Variants in NOL4 observed in about 807,000 individuals in gnomAD.
NOL4 encodes cancer/testis antigen 125.
Under a neutral mutation model 75.9 loss-of-function variants are expected in NOL4, and 17 were observed. That is an observed-to-expected ratio of 0.22 (90% CI 0.15 to 0.34). NOL4 has a LOEUF of 0.34. NOL4 is among the 10% of genes least tolerant of loss of function. The pLI, the probability that NOL4 is intolerant of heterozygous loss-of-function variation, is 1.00. For missense variants in NOL4, 614 were observed against 793.5 expected (o/e 0.77, Z 2.72); for synonymous variants, 292 against 289.9 (o/e 1.01, Z -0.07).
In NOL4 at chr18:34,067,499, A is replaced by T. The variant is rs182513883; in HGVS notation, c.772+25966T>A. Among the ~76,000 whole-genome samples, 321 of 152,320 alleles carry T rather than the reference A, an allele frequency of 2.1e-3. 5 individuals carry two copies. The highest frequency in any genetic ancestry group is 7.2e-3 in the African/African-American group (299 of 41,580). ...ATACAAGAGTAGAAGCAAGGAGATC[A>T]GGTATGAGGCTACTTTAATAAACCA... is the stretch of plus-strand genomic sequence containing the variant. On this transcript the variant is annotated intron_variant, in intron 5 of 10. Coordinates refer to ENST00000261592, the MANE Select transcript of NOL4 (RefSeq NM_003787.5).
chr18:33,860,373 G>T (rs2063053179), intron 10 of NOL4, among the ~76,000 whole-genome samples: 1 of 152,006 alleles, frequency 6.6e-6, no homozygotes, highest in Admixed American at 6.6e-5. Flanking sequence ...ACTCATTCCA[G>T]CATTAACCCA....
At chr18:34,112,228 G>T (rs921810786) in intron 2 of NOL4, among the ~76,000 whole-genome samples, 7 of 152,000 alleles carry the variant, frequency 4.6e-5, no homozygotes, top group African/African-American at 1.7e-4. Context: ...AATTGGCCAG[G>T]TGTGATGGCA....
rs531705944 is a variant in NOL4, at chr18:34,058,793, T to C, written c.772+34672A>G. ...ACATATTGCAATAATGAATGAATTA[T>C]TAAATGGATCTACCATGTTAGGAAA... On this transcript the variant is annotated intron_variant, in intron 5 of 10. Transcript: ENST00000261592. Among the ~76,000 whole-genome samples, 385 of 152,262 alleles carry C rather than the reference T, an allele frequency of 2.5e-3. 1 individual carries two copies. Among genetic ancestry groups the C allele is most frequent in the African/African-American group, 8.4e-3 (350 of 41,560 alleles).
rs184941071 is a variant in NOL4 at position 34,019,970 on chromosome 18, C to T, written c.773-369G>A. ...AGGAGAGCTAGTTGTTTAAAAAGAG[C>T]CTGGCACCTCTTCTCTCTCTCTCTT... On this transcript the variant is annotated intron_variant, in intron 5 of 10. Coordinates refer to ENST00000261592, the MANE Select transcript of NOL4 (RefSeq NM_003787.5). Among the ~76,000 whole-genome samples, 715 of 151,666 alleles carry T rather than the reference C, an allele frequency of 4.7e-3. 8 individuals carry two copies. The highest frequency in any genetic ancestry group is 6.4e-3 in the Non-Finnish European group (432 of 67,910).
chr18:34,131,073 G>GACAC (rs35968611), intron 1 of NOL4, among the ~76,000 whole-genome samples: 9,123 of 145,362 alleles, frequency 0.063, 491 homozygotes, highest in African/African-American at 0.15. Context: ...CACATACACC[G>GACAC]ACACACACAC....
chr18:34,028,602 G>A (rs1296351319), intron 5 of NOL4, among the ~76,000 whole-genome samples: 2 of 152,166 alleles, frequency 1.3e-5, no homozygotes, highest in African/African-American at 4.8e-5. Flanking sequence ...AATGAATTAG[G>A]CCAAAGGATT....
At chr18:33,918,743 A>G (rs2066870815) in intron 9 of NOL4, among the ~76,000 whole-genome samples, 1 of 152,194 alleles carries the variant, frequency 6.6e-6, no homozygotes, top group Non-Finnish European at 1.5e-5. Context: ...GACACTTGCC[A>G]AAAACTAGGT....
intron 1 of NOL4, among the ~76,000 whole-genome samples, chr18:34,142,354 T>C (rs958207817): frequency 2.0e-5 from 3 of 152,184 alleles, no homozygotes; most frequent in African/African-American, 7.2e-5. Context: ...GGATTATAAA[T>C]CATGCTGCTA....
At chr18:33,896,125 C>G (rs2065390589) in intron 9 of NOL4, among the ~76,000 whole-genome samples, 1 of 151,964 alleles carries the variant, frequency 6.6e-6, no homozygotes, top group Non-Finnish European at 1.5e-5. Context: ...ATGAGAATTA[C>G]AAAACACTTC....
At chr18:34,165,006 C>A (rs941021876) in intron 1 of NOL4, among the ~76,000 whole-genome samples, 3 of 150,758 alleles carry the variant, frequency 2.0e-5, no homozygotes, top group African/African-American at 7.3e-5. Context: ...AAACCAAACA[C>A]CGCATATTCT....
intron 1 of NOL4, among the ~76,000 whole-genome samples, chr18:34,209,911 A>G (rs970810862): frequency 1.3e-5 from 2 of 152,266 alleles, no homozygotes; most frequent in East Asian, 3.9e-4. Context: ...CCTTCAGGAA[A>G]CACTAAGTTC....
At chr18:33,985,442 G>A (rs772434803) in intron 6 of NOL4, among the ~76,000 whole-genome samples, 28 of 152,008 alleles carry the variant, frequency 1.8e-4, no homozygotes, top group Non-Finnish European at 3.5e-4. Context: ...CATTTTGTTT[G>A]TGTTTTTCAA....
intron 5 of NOL4, among the ~76,000 whole-genome samples, chr18:34,036,627 T>C (rs538970974): frequency 6.6e-6 from 1 of 152,078 alleles, no homozygotes; most frequent in Non-Finnish European, 1.5e-5. Flanking sequence ...GCAATAGCAA[T>C]AAATAAATGG....
intron 6 of NOL4, among the ~76,000 whole-genome samples, chr18:34,015,269 T>C (rs1435794119): frequency 1.3e-5 from 2 of 152,030 alleles, no homozygotes; most frequent in Non-Finnish European, 2.9e-5. Context: ...AAAATGATTC[T>C]GCTTTCCTAT....
intron 9 of NOL4, among the ~76,000 whole-genome samples, chr18:33,892,651 T>TTCC (rs1469175290): frequency 2.0e-5 from 3 of 150,552 alleles, no homozygotes; most frequent in Non-Finnish European, 4.4e-5. Context: ...CTCCTTCTCC[T>TTCC]TCTTCTTCTT....
At chr18:34,035,497 C>G (rs1265297661) in intron 5 of NOL4, among the ~76,000 whole-genome samples, 2 of 151,694 alleles carry the variant, frequency 1.3e-5, no homozygotes, top group Non-Finnish European at 2.9e-5. Context: ...CAATAAATGC[C>G]TACATTTAAA....
intron 2 of NOL4, among the ~76,000 whole-genome samples, chr18:34,105,923 G>A (rs1251707568): frequency 2.0e-5 from 3 of 147,446 alleles, no homozygotes; most frequent in African/African-American, 2.4e-5. Context: ...CTAAAACCAA[G>A]TTCTCTCATC....
chr18:34,219,171 T>C (rs1157040088), intron 1 of NOL4, among the ~76,000 whole-genome samples: 2 of 152,202 alleles, frequency 1.3e-5, no homozygotes, highest in South Asian at 2.1e-4. Flanking sequence ...TGGATGGAAA[T>C]TCATTTAAGA....
rs575247153 is a variant in NOL4 at position 33,957,306 on chromosome 18, T to C, written c.1428+20A>G. On this transcript the variant is annotated intron_variant, in intron 8 of 10. Transcript: ENST00000261592. ...GGGATTTTGATGGAGTCTAGGGCTG[T>C]GTTTTAATTCAAAACTCACCATCTC... is the stretch of plus-strand genomic sequence containing the variant. 3.5e-5 allele frequency: 56 copies of C among 1,596,312 alleles called. No individual in the cohort carries two copies. Among genetic ancestry groups the C allele is most frequent in the Non-Finnish European group, 4.2e-5 (49 of 1,168,128 alleles).
Sources: gnomAD v4.1 joint callset for allele counts (sites outside exome capture counted in the v4.1 genomes callset) on GRCh38, gnomAD v4.1.1 for gene constraint, MANE v1.5 for transcripts, NCBI Gene and HGNC (gene_info 2026-07-23, HGNC 2026-07-21) for gene names.